The following PSMD11 variants were observed in gnomAD, a reference collection of about 807,000 sequenced individuals.
The protein encoded by PSMD11 is 26S proteasome non-ATPase regulatory subunit 11.
A neutral mutation model predicts 62.3 loss-of-function variants in PSMD11; 5 were observed. That is an observed-to-expected ratio of 0.08 (90% CI 0.04 to 0.17). PSMD11 has a LOEUF of 0.17. PSMD11 is among the 10% of genes least tolerant of loss of function. The pLI is 1.00. For synonymous variants in PSMD11, 191 were observed against 191.8 expected, an observed-to-expected ratio of 1.00 and a Z score of 0.03; for missense variants, 310 against 512.9, an observed-to-expected ratio of 0.60 and a Z score of 3.82.
chr17:32,460,157 C>T (rs931400963), intron 3 of PSMD11, among the ~76,000 whole-genome samples: 1 of 152,096 alleles, frequency 6.6e-6, no homozygotes, highest in Non-Finnish European at 1.5e-5. Context: ...CATCTGGGCT[C>T]AAGCATTTCT....
At chr17:32,473,471 G>A (rs1274597177) in intron 6 of PSMD11, among the ~76,000 whole-genome samples, 3 of 151,932 alleles carry the variant, frequency 2.0e-5, no homozygotes, top group African/African-American at 7.3e-5. Flanking sequence ...GTAGAGATGG[G>A]ATTTGTCCAT....
At chr17:32,467,301 G>A (rs1384622241) in intron 5 of PSMD11, among the ~76,000 whole-genome samples, 2 of 115,098 alleles carry the variant, frequency 1.7e-5, no homozygotes, top group South Asian at 2.8e-4. Context: ...GCTGGAGTGC[G>A]GTGGCACGAT....
In PSMD11 at chr17:32,444,604, C is replaced by T. The variant is rs780937332; in HGVS notation, c.81C>T (p.Leu27=). 6 of 1,611,760 alleles carry T rather than the reference C, an allele frequency of 3.7e-6. No individual in the cohort carries two copies. In the East Asian group the frequency reaches 9.0e-5, roughly 24 times the overall value. ...ACCGGGAGGCCTCCATCGACATCCT[C>T]CACTCCATCGGTAAAGGTCGCCGCG... ...STDREASIDI[L]HSIVKRDIQE... Residue 27 remains leucine (L), a synonymous_variant, in exon 1 of 14, where the codon CTC becomes CTT. Transcript: ENST00000261712.
At chr17:32,446,724 C>T (rs1367082293) in intron 1 of PSMD11, among the ~76,000 whole-genome samples, 1 of 150,450 alleles carries the variant, frequency 6.6e-6, no homozygotes, top group Non-Finnish European at 1.5e-5. Context: ...CATTTAAAAT[C>T]AAAGAGAAGA....
At chr17:32,469,490 G>T (rs1300042347) in intron 6 of PSMD11, among the ~76,000 whole-genome samples, 1 of 152,194 alleles carries the variant, frequency 6.6e-6, no homozygotes, top group African/African-American at 2.4e-5. Context: ...CAGAATAGTA[G>T]CATTTTCCTT....
intron 3 of PSMD11, among the ~76,000 whole-genome samples, chr17:32,463,760 A>G (rs1392372788): frequency 1.3e-5 from 2 of 152,218 alleles, no homozygotes; most frequent in African/African-American, 4.8e-5. Context: ...TTCCAGGTCT[A>G]TACATGTTGT....
chr17:32,475,053 T>G (rs1908278240), intron 8 of PSMD11, among the ~76,000 whole-genome samples: 1 of 152,194 alleles, frequency 6.6e-6, no homozygotes, highest in African/African-American at 2.4e-5. Context: ...TTGAGGGACT[T>G]AGGGAACTGA....
At chr17:32,460,358 G>C (rs1364939791) in intron 3 of PSMD11, among the ~76,000 whole-genome samples, 1 of 152,152 alleles carries the variant, frequency 6.6e-6, no homozygotes, top group Non-Finnish European at 1.5e-5. Context: ...ACTGTGCCTG[G>C]TTTAAATAAG....
chr17:32,448,398 CT>C (rs1186377604), intron 2 of PSMD11, among the ~76,000 whole-genome samples: 3 of 150,326 alleles, frequency 2.0e-5, no homozygotes, highest in Non-Finnish European at 3.0e-5. Flanking sequence ...CAGAGTTTTG[CT>C]CTTGTTGCCC....
At chr17:32,449,810 A>AT (rs1303024833) in intron 2 of PSMD11, among the ~76,000 whole-genome samples, 5 of 152,202 alleles carry the variant, frequency 3.3e-5, no homozygotes, top group African/African-American at 1.2e-4. Context: ...AGAACAGAAA[A>AT]TATGTCTGTT....
intron 1 of PSMD11, among the ~76,000 whole-genome samples, chr17:32,446,340 TGCATTAAAAAGCA>T (rs1368494288): frequency 2.6e-5 from 4 of 152,188 alleles, no homozygotes; most frequent in African/African-American, 7.2e-5. Context: ...CAGACCTCAA[TGCATTAAAAAGCA>T]GCAGTCTCCC....
Position 32,480,947 on chromosome 17 carries a change from A to G in PSMD11, c.*195A>G. ...GTAATCTTTACTGGCCCAACTTGGG[A>G]GTGGGGAAATTGCTTAAAAAAAAAG... On this transcript the variant is annotated 3_prime_UTR_variant, in exon 14 of 14. Transcript: ENST00000261712. 4.1e-6 allele frequency: 1 copy of G among 244,212 alleles called. No homozygotes were observed. The highest frequency in any genetic ancestry group is 2.2e-5 in the African/African-American group (1 of 44,500). The allele number at this position is 244,212 out of a possible 1,614,324, so 15.1% of individuals were successfully genotyped here.
rs1424928557 is a variant in PSMD11 at position 32,479,867 on chromosome 17, G to A, written c.1055G>A (p.Ser352Asn). The A allele has an allele frequency of 9.3e-6, 15 of 1,613,810 alleles. No homozygotes were observed. The highest frequency in any genetic ancestry group is 1.3e-5 in the Non-Finnish European group (15 of 1,179,762). ...FSRVQIEHIS[S>N]LIKLSKADVE... is the part of the protein sequence containing the mutation. ...TCCTTTTAGATTGAACACATATCTA[G>A]TCTCATCAAACTCTCCAAGGTAAGG... The change falls in exon 11 of 14, where the codon AGT (serine) becomes AAT (asparagine). Residue 352 changes from serine to asparagine, a missense_variant. Around this residue, in one of 6 missense-constraint regions of PSMD11, gnomAD observed 135 missense variants for 195.4 expected, o/e 0.69. Coordinates refer to ENST00000261712, the MANE Select transcript of PSMD11 (RefSeq NM_002815.4).
chr17:32,462,875 A>G (rs528365323), intron 3 of PSMD11, among the ~76,000 whole-genome samples: 36 of 152,260 alleles, frequency 2.4e-4, no homozygotes, highest in Non-Finnish European at 3.1e-4. Context: ...TTTAGTAAAG[A>G]CAGGATTTCT....
At chr17:32,472,293 G>C (rs1270024867) in intron 6 of PSMD11, among the ~76,000 whole-genome samples, 1 of 151,602 alleles carries the variant, frequency 6.6e-6, no homozygotes, top group African/African-American at 2.4e-5. Context: ...CGTGACCTCG[G>C]CTCACTGCAA....
intron 6 of PSMD11, 137 bp downstream of exon 6, chr17:32,469,330 CTACCT>C: frequency 1.2e-6 from 1 of 864,588 alleles, no homozygotes; most frequent in African/African-American, 1.7e-5. Context: ...AGTTAGAAAG[CTACCT>C]TTCTAACTAG....
intron 2 of PSMD11, among the ~76,000 whole-genome samples, chr17:32,450,789 G>C (rs1453764517): frequency 3.9e-5 from 6 of 152,030 alleles, no homozygotes; most frequent in African/African-American, 1.5e-4. Context: ...TGGGCACAGT[G>C]GCTCACACCT....
intron 2 of PSMD11, among the ~76,000 whole-genome samples, chr17:32,452,079 TG>T (rs1429974374): frequency 2.6e-5 from 4 of 152,344 alleles, no homozygotes; most frequent in Non-Finnish European, 4.4e-5. Context: ...TTCAGGGGTC[TG>T]CATGCCACCT....
chr17:32,447,143 A>T, intron 2 of PSMD11, 97 bp downstream of exon 2: 1 of 953,430 alleles, frequency 1.0e-6, no homozygotes, highest in Non-Finnish European at 1.5e-6. Context: ...AACTGAATTC[A>T]GCTTTATTTT....
Sources: allele counts gnomAD v4.1 joint callset (sites outside exome capture counted in the v4.1 genomes callset), GRCh38; gene constraint gnomAD v4.1.1; regional missense constraint gnomAD v4.1.1; transcripts MANE v1.5; gene names NCBI Gene and HGNC (gene_info 2026-07-23, HGNC 2026-07-21).